Variants in RELN observed in about 807,000 individuals in gnomAD.
RELN encodes reelin.
A neutral mutation model predicts 427.6 loss-of-function variants in RELN; 108 were observed. The observed-to-expected ratio is 0.25, with a 90% CI of 0.22 to 0.30. The LOEUF is 0.30. Ranked by LOEUF, RELN falls within the 10% of genes least tolerant of loss-of-function variation. The probability of loss-of-function intolerance (pLI) is 1.00; values close to 1 mark genes in which losing one functional copy is unlikely to be tolerated. For missense variants in RELN, 3,715 were observed against 4,302.8 expected (o/e 0.86, Z 3.82); for synonymous variants, 1,524 against 1,513.4 (o/e 1.01, Z -0.16).
chr7:103,755,227 G>T (rs1238495988), intron 4 of RELN, among the ~76,000 whole-genome samples: 3 of 151,730 alleles, frequency 2.0e-5, no homozygotes, highest in Admixed American at 2.0e-4. Context: ...AGGCTGAGGT[G>T]GGCGGATCAC....
chr7:103,649,515 A>G (rs1208336796), intron 16 of RELN, among the ~76,000 whole-genome samples: 1 of 152,020 alleles, frequency 6.6e-6, no homozygotes, highest in East Asian at 1.9e-4. Context: ...TCCAGACTTC[A>G]CCACTATGCA....
At position 103,893,430 on chromosome 7, in the gene RELN, T is replaced by C. The variant is rs965882784; in HGVS notation, c.337+23645A>G. ...ACACAAAACTGCATTGGAATATGAA[T>C]ATTGAGAGCTCATTAAGTCTTAAAA... On this transcript the variant is annotated intron_variant, in intron 2 of 64. Transcript: ENST00000428762. 5.9e-5 allele frequency among the ~76,000 whole-genome samples: 9 copies of C among 152,302 alleles called. No individual in the cohort carries two copies. The South Asian group carries it at 1.9e-3, about 32-fold the overall frequency.
chr7:103,956,815 G>A (rs1796442630), intron 1 of RELN, among the ~76,000 whole-genome samples: 1 of 152,158 alleles, frequency 6.6e-6, no homozygotes, highest in Non-Finnish European at 1.5e-5. Context: ...GGAATCACTG[G>A]AATGTTAAAA....
rs370008362 is a variant in RELN at position 103,523,467 on chromosome 7, T to C, written c.7414A>G (p.Ile2472Val). 2 of 1,613,986 alleles carry C rather than the reference T, an allele frequency of 1.2e-6. No homozygotes were observed. The highest frequency in any genetic ancestry group is 1.3e-5 in the African/African-American group (1 of 74,898). Residue 2472 changes from isoleucine (I) to valine (V), a missense_variant, in exon 47 of 65, where the codon ATA (isoleucine) becomes GTA (valine). By Grantham distance (29) the Ile-to-Val change is conservative (BLOSUM62 3). This residue lies in a region of RELN where 1,310 missense variants were observed against 1,643.0 expected (regional missense o/e 0.80). Coordinates refer to ENST00000428762, the MANE Select transcript of RELN (RefSeq NM_005045.4). ...CCATCCCCGATATAGACATTATCTATTGCCCATGTCTGCTGCTTGTCAAAA... is the reference window on the plus strand; with the variant it reads ...CCATCCCCGATATAGACATTATCTACTGCCCATGTCTGCTGCTTGTCAAAA... ...APFDKQQTWAIDNVYIGDGCI... is the reference protein window; with the variant it reads ...APFDKQQTWAVDNVYIGDGCI...
intron 1 of RELN, among the ~76,000 whole-genome samples, chr7:103,938,348 T>C (rs1212965818): frequency 6.6e-6 from 1 of 152,146 alleles, no homozygotes; most frequent in Non-Finnish European, 1.5e-5. Flanking sequence ...GCTTCCTATA[T>C]TGTGTCTCCC....
intron 31 of RELN, among the ~76,000 whole-genome samples, chr7:103,567,611 G>A (rs889582659): frequency 3.3e-5 from 5 of 152,086 alleles, no homozygotes; most frequent in Admixed American, 2.0e-4. Flanking sequence ...CTTTATACCC[G>A]CTTCTTTGGT....
intron 24 of RELN, among the ~76,000 whole-genome samples, chr7:103,602,877 C>A (rs967329425): frequency 3.3e-5 from 5 of 152,070 alleles, no homozygotes; most frequent in Non-Finnish European, 7.4e-5. Flanking sequence ...TGGAAACAGG[C>A]AATCTGGCTC....
chr7:103,810,026 G>A (rs549916044), intron 3 of RELN, among the ~76,000 whole-genome samples: 109 of 152,178 alleles, frequency 7.2e-4, no homozygotes, highest in African/African-American at 2.4e-3. Context: ...AGATTTCCTG[G>A]CTGATATTGT....
At chr7:103,556,874 A>T (rs571665010) in intron 38 of RELN, 103 bp downstream of exon 38, 2 of 931,654 alleles carry the variant, frequency 2.1e-6, no homozygotes, top group East Asian at 4.8e-5. Context: ...TGCTGTGGAC[A>T]GCTAAGCTGC....
chr7:103,555,631 C>T (rs1464158364), intron 38 of RELN, among the ~76,000 whole-genome samples: 1 of 152,078 alleles, frequency 6.6e-6, no homozygotes, highest in African/African-American at 2.4e-5. Context: ...GCCACCACGC[C>T]CAGCTAATTT....
At chr7:103,593,575 T>G (rs1168291228) in intron 27 of RELN, 107 bp downstream of exon 27, 1 of 966,752 alleles carries the variant, frequency 1.0e-6, no homozygotes, top group Non-Finnish European at 1.6e-6. Context: ...GTGAGTCCCT[T>G]CTTTAATAGA....
intron 1 of RELN, among the ~76,000 whole-genome samples, chr7:103,921,068 G>C (rs981102746): frequency 6.6e-6 from 1 of 152,168 alleles, no homozygotes; most frequent in Non-Finnish European, 1.5e-5. Flanking sequence ...AGAAAACTAA[G>C]CAACTTCTAT....
In RELN at chr7:103,553,749, T is replaced by C. The variant is rs362793; in HGVS notation, c.5880A>G (p.Thr1960=). 265 of 1,614,014 alleles carry C rather than the reference T, an allele frequency of 1.6e-4. No individual in the cohort carries two copies. In the African/African-American group the frequency reaches 3.2e-3, roughly 19 times the overall value. Residue 1960 remains threonine, a synonymous_variant, in exon 39 of 65, where the codon ACA becomes ACG. Coordinates refer to ENST00000428762, the MANE Select transcript of RELN (RefSeq NM_005045.4). The part of the protein sequence containing the change: ...NVNNPVMLLD[T]FDFGPREDNW... The stretch of plus-strand genomic sequence containing the variant: ...TGTCTTCTCTGGGCCCAAAATCAAA[T>C]GTATCCAAGAGCATCACAGGGTTGT...
chr7:103,726,215 G>C (rs1484360102), intron 7 of RELN, among the ~76,000 whole-genome samples: 1 of 151,966 alleles, frequency 6.6e-6, no homozygotes, highest in Non-Finnish European at 1.5e-5. Context: ...AACACAACTT[G>C]GGTACAATGT....
chr7:103,836,925 G>A (rs1176437421), intron 2 of RELN, among the ~76,000 whole-genome samples: 14 of 152,110 alleles, frequency 9.2e-5, no homozygotes. Context: ...CTAGCATCTA[G>A]TACCTTACAC....
intron 22 of RELN, among the ~76,000 whole-genome samples, chr7:103,607,326 T>C (rs1307657935): frequency 6.6e-6 from 1 of 152,186 alleles, no homozygotes; most frequent in African/African-American, 2.4e-5. Flanking sequence ...GATTGAATAT[T>C]GGCTTCAGTT....
chr7:103,549,122 G>A (rs1830359773), intron 41 of RELN, among the ~76,000 whole-genome samples: 1 of 152,056 alleles, frequency 6.6e-6, no homozygotes, highest in African/African-American at 2.4e-5. Context: ...GGACTGCTCT[G>A]TATCTAGAAG....
intron 4 of RELN, among the ~76,000 whole-genome samples, chr7:103,755,285 AGTG>A (rs1791106583): frequency 6.6e-6 from 1 of 150,962 alleles, no homozygotes; most frequent in Non-Finnish European, 1.5e-5. Context: ...TGGCTAACAC[AGTG>A]AAACTCCGTA....
At chr7:103,676,959 A>T (rs1833542004) in intron 11 of RELN, among the ~76,000 whole-genome samples, 1 of 152,094 alleles carries the variant, frequency 6.6e-6, no homozygotes, top group South Asian at 2.1e-4. Flanking sequence ...TAATGGGTGC[A>T]GCACACCAAC....
Sources: gnomAD v4.1 joint callset for allele counts (sites outside exome capture counted in the v4.1 genomes callset) on GRCh38, gnomAD v4.1.1 for gene constraint, gnomAD v4.1.1 regional missense constraint, MANE v1.5 for transcripts, NCBI Gene and HGNC (gene_info 2026-07-23, HGNC 2026-07-21) for gene names.